The following PGBD5 variants were observed in gnomAD, a reference collection of about 807,000 sequenced individuals.
The protein encoded by PGBD5 is piggyBac transposable element-derived protein 5.
Under a neutral mutation model 47.9 loss-of-function variants are expected in PGBD5, and 14 were observed. That is an observed-to-expected ratio of 0.29 (90% CI 0.19 to 0.46). PGBD5 has a LOEUF of 0.46. Ranked by LOEUF, PGBD5 falls within the 20% of genes least tolerant of loss-of-function variation. PGBD5 has a pLI of 1.00. For synonymous variants in PGBD5, 316 were observed against 306.3 expected (o/e 1.03, Z -0.33); for missense variants, 635 against 716.0 (o/e 0.89, Z 1.29).
At chr1:230,332,423 G>A (rs571559153) in intron 5 of PGBD5, among the ~76,000 whole-genome samples, 2 of 152,322 alleles carry the variant, frequency 1.3e-5, no homozygotes, top group African/African-American at 2.4e-5. Flanking sequence ...AGGGAACAGC[G>A]GATGAACCAG....
intron 5 of PGBD5, 134 bp downstream of exon 5, chr1:230,332,710 G>T: frequency 9.7e-7 from 1 of 1,030,216 alleles, no homozygotes; most frequent in Non-Finnish European, 1.4e-6. Flanking sequence ...CAGATGCTGG[G>T]GAATAACCGA....
intron 3 of PGBD5, among the ~76,000 whole-genome samples, chr1:230,350,676 A>G (rs1010383198): frequency 6.6e-6 from 1 of 152,146 alleles, no homozygotes; most frequent in Non-Finnish European, 1.5e-5. Context: ...CTACGGCCTG[A>G]GCCTTGATGA....
intron 5 of PGBD5, among the ~76,000 whole-genome samples, chr1:230,328,646 C>T (rs1342074951): frequency 1.3e-5 from 2 of 152,182 alleles, no homozygotes; most frequent in South Asian, 2.1e-4. Flanking sequence ...TGTTCAAGAT[C>T]GACATGGCCC....
intron 1 of PGBD5, among the ~76,000 whole-genome samples, chr1:230,393,342 C>T (rs1480485035): frequency 6.6e-6 from 1 of 151,112 alleles, no homozygotes; most frequent in Non-Finnish European, 1.5e-5. Context: ...CCAGTGCAGC[C>T]ACTGAACACA....
In PGBD5 at chr1:230,425,861, T is replaced by C; in HGVS notation, c.68A>G (p.Tyr23Cys). The C allele has an allele frequency of 1.7e-6, 2 of 1,193,604 alleles. No homozygotes were observed. Among genetic ancestry groups the C allele is most frequent in the Non-Finnish European group, 2.1e-6 (2 of 964,316 alleles). 73.9% of individuals were successfully genotyped at this position (1,193,604 alleles called of 1,614,324 possible). A position where few individuals can be genotyped will look rare whatever the true frequency, so the allele number is the denominator to read the frequency against. The change falls in exon 1 of 7, where the codon TAC (tyrosine) becomes TGC (cysteine). Residue 23 changes from tyrosine to cysteine, a missense_variant. Transcript: ENST00000391860. This position sits in a 1 kb window ranked among gnomAD's most constrained non-coding sequence, Gnocchi z 4.7. ...PALLEAARAR[Y>C]ESLHISDDVF... ...GTCGTCCGAGATGTGCAGGCTCTCG[T>C]AGCGCGCGCGGGCAGCCTCGAGCAG...
chr1:230,401,819 G>A (rs1045398892), intron 1 of PGBD5, among the ~76,000 whole-genome samples: 9 of 152,292 alleles, frequency 5.9e-5, no homozygotes, highest in African/African-American at 2.2e-4. Context: ...AGGCAGGCGC[G>A]CTGCTCACCT....
intron 2 of PGBD5, among the ~76,000 whole-genome samples, chr1:230,353,115 G>A (rs1571836042): frequency 6.6e-6 from 1 of 152,176 alleles, no homozygotes; most frequent in Non-Finnish European, 1.5e-5. Flanking sequence ...TTATGAATAT[G>A]TCATTACTAA....
rs567843585 is a variant in PGBD5 at position 230,389,835 on chromosome 1, G to A, written c.332-32514C>T. Among the ~76,000 whole-genome samples the A allele has an allele frequency of 3.3e-5, 5 of 152,376 alleles. No individual in the cohort carries two copies. The South Asian group carries it at 6.2e-4, about 19-fold the overall frequency. ...ACACTATTTAGAATGTATAGGTGGTGTAGGATGTGGAAGAATGGAATGTTT... is the reference window on the plus strand; with the variant it reads ...ACACTATTTAGAATGTATAGGTGGTATAGGATGTGGAAGAATGGAATGTTT... On this transcript the variant is annotated intron_variant, in intron 1 of 6. Coordinates refer to ENST00000391860, the MANE Select transcript of PGBD5 (RefSeq NM_001258311.2).
intron 1 of PGBD5, among the ~76,000 whole-genome samples, chr1:230,363,646 T>A (rs1667784267): frequency 6.6e-6 from 1 of 151,992 alleles, no homozygotes; most frequent in Non-Finnish European, 1.5e-5. Context: ...CAAGCACTGG[T>A]TTTGCAGGGG....
chr1:230,367,888 G>A (rs1207387927), intron 1 of PGBD5: 10 of 1,312,244 alleles, frequency 7.6e-6, no homozygotes, highest in South Asian at 1.2e-5. Context: ...CCAGACTCCC[G>A]CTCTGCAGGT....
intron 2 of PGBD5, 91 bp downstream of exon 2, chr1:230,356,803 G>T: frequency 7.2e-7 from 1 of 1,396,132 alleles, no homozygotes; most frequent in Non-Finnish European, 9.7e-7. Flanking sequence ...GGCAGGGCAG[G>T]AAGGACACCC....
chr1:230,364,761 C>T (rs892041084), intron 1 of PGBD5, among the ~76,000 whole-genome samples: 1 of 152,254 alleles, frequency 6.6e-6, no homozygotes, highest in Admixed American at 6.5e-5. Flanking sequence ...TGGCTCACAC[C>T]TGTAATCCCA....
intron 3 of PGBD5, among the ~76,000 whole-genome samples, chr1:230,338,248 C>T (rs1160302291): frequency 6.6e-6 from 1 of 152,206 alleles, no homozygotes; most frequent in South Asian, 2.1e-4. Flanking sequence ...TCAACAGCAT[C>T]CGTTTATGAG....
chr1:230,363,739 A>G (rs534373094), intron 1 of PGBD5, among the ~76,000 whole-genome samples: 1 of 152,320 alleles, frequency 6.6e-6, no homozygotes, highest in South Asian at 2.1e-4. Flanking sequence ...GAATCAATTA[A>G]TATTTTAAAT....
chr1:230,379,659 C>T (rs1413152181), intron 1 of PGBD5, among the ~76,000 whole-genome samples: 1 of 152,248 alleles, frequency 6.6e-6, no homozygotes, highest in Non-Finnish European at 1.5e-5. Flanking sequence ...ATTCCTACTT[C>T]AATACCCAGC....
At chr1:230,383,462 T>C (rs1216127536) in intron 1 of PGBD5, among the ~76,000 whole-genome samples, 1 of 152,086 alleles carries the variant, frequency 6.6e-6, no homozygotes, top group Non-Finnish European at 1.5e-5. Context: ...ACTCCTGGGC[T>C]CAGGCGATCC....
intron 4 of PGBD5, among the ~76,000 whole-genome samples, chr1:230,333,951 C>T (rs1667262173): frequency 6.6e-6 from 1 of 152,244 alleles, no homozygotes. Flanking sequence ...CACAAGCACT[C>T]AGCTGCTCCC....
At chr1:230,343,189 C>T (rs151212122) in intron 3 of PGBD5, among the ~76,000 whole-genome samples, 7 of 152,348 alleles carry the variant, frequency 4.6e-5, no homozygotes, top group South Asian at 4.1e-4. Context: ...TCTCTGGCTG[C>T]ACCTTCAGCA....
At chr1:230,348,655 C>T (rs1035828310) in intron 3 of PGBD5, among the ~76,000 whole-genome samples, 13 of 151,374 alleles carry the variant, frequency 8.6e-5, no homozygotes, top group Admixed American at 8.6e-4. Flanking sequence ...AGAAAAGGGG[C>T]AGGACTCTAA....
Sources: gnomAD v4.1 joint callset for allele counts (sites outside exome capture counted in the v4.1 genomes callset) on GRCh38, gnomAD v4.1.1 for gene constraint, Gnocchi (gnomAD v3.1) non-coding constraint, MANE v1.5 for transcripts, NCBI Gene and HGNC (gene_info 2026-07-23, HGNC 2026-07-21) for gene names.